Variants in NAV1 observed in about 807,000 individuals in gnomAD.
NAV1 encodes pore membrane and/or filament interacting like protein 3.
A neutral mutation model predicts 175.2 loss-of-function variants in NAV1; 18 were observed. That is an observed-to-expected ratio of 0.10 (90% CI 0.07 to 0.15). NAV1 has a LOEUF of 0.15. Ranked by LOEUF, NAV1 falls within the 10% of genes least tolerant of loss-of-function variation. The pLI is 1.00. For synonymous variants in NAV1, 897 were observed against 978.7 expected (o/e 0.92, Z 1.56); for missense variants, 1,731 against 2,436.6 (o/e 0.71, Z 6.10).
At chr1:201,666,128 C>T (rs1414343001) in intron 1 of NAV1, among the ~76,000 whole-genome samples, 1 of 152,060 alleles carries the variant, frequency 6.6e-6, no homozygotes, top group African/African-American at 2.4e-5. Context: ...TTCTCATAAA[C>T]AGCCCACCGC....
intron 1 of NAV1, among the ~76,000 whole-genome samples, chr1:201,573,221 CAA>C (rs1666598538): frequency 2.0e-5 from 3 of 152,364 alleles, no homozygotes; most frequent in Admixed American, 1.3e-4. Context: ...AGCAGGACAT[CAA>C]GTCGAGGCAG....
chr1:201,743,299 A>C (rs574186987), intron 3 of NAV1, among the ~76,000 whole-genome samples: 1 of 152,368 alleles, frequency 6.6e-6, no homozygotes, highest in South Asian at 2.1e-4. Context: ...AGGACTCAGC[A>C]AAGGTTTAGA....
chr1:201,727,889 C>T lies in NAV1; in HGVS notation c.1226+9134C>T, dbSNP rs147254756. ...CAGCTCCTAGAGGGCATTGGGTCTG[C>T]GTTTCAAGCCTGCTGCACATAGGCT... On this transcript the variant is annotated intron_variant, in intron 3 of 29. Transcript: ENST00000367296. 1.9e-4 allele frequency among the ~76,000 whole-genome samples: 29 copies of T among 152,244 alleles called. No homozygotes were observed. In the East Asian group the frequency reaches 3.9e-3, roughly 20 times the overall value.
chr1:201,697,575 T>G (rs1377489922), intron 1 of NAV1, among the ~76,000 whole-genome samples: 1 of 152,186 alleles, frequency 6.6e-6, no homozygotes, highest in Non-Finnish European at 1.5e-5. Flanking sequence ...GCTATTCCAG[T>G]GCGCCTCAGT....
intron 1 of NAV1, among the ~76,000 whole-genome samples, chr1:201,709,170 C>T (rs568684629): frequency 9.5e-5 from 14 of 147,908 alleles, no homozygotes; most frequent in African/African-American, 3.5e-4. Context: ...AACCATTGAA[C>T]TTTTAGGTTA....
chr1:201,698,240 G>A (rs151221115), intron 1 of NAV1, among the ~76,000 whole-genome samples: 69 of 152,282 alleles, frequency 4.5e-4, no homozygotes, highest in African/African-American at 1.6e-3. Flanking sequence ...GACCTCCCCT[G>A]TGACTCCTCT....
chr1:201,814,554 A>G (rs2820290), intron 28 of NAV1, among the ~76,000 whole-genome samples: 68,376 of 151,908 alleles, frequency 0.45, 16,843 homozygotes, highest in Non-Finnish European at 0.55. Flanking sequence ...ATTATCTGTA[A>G]AAGTAACTTG....
chr1:201,595,787 C>T (rs971106507), intron 2 of NAV1, among the ~76,000 whole-genome samples: 2 of 152,250 alleles, frequency 1.3e-5, no homozygotes, highest in African/African-American at 4.8e-5. Flanking sequence ...TTTTCCTGTG[C>T]TGTCTCAGTC....
At position 201,754,554 on chromosome 1, in the gene NAV1, G is replaced by C. The variant is rs144531465; in HGVS notation, c.1227-25867G>C. On this transcript the variant is annotated intron_variant, in intron 3 of 29. Transcript: ENST00000367296. ...AAATGAAAGCCAAGTTCCAATGAGT[G>C]GGGGAGTAAATGTGAGGTAAGGTGG... Among the ~76,000 whole-genome samples the C allele has an allele frequency of 7.5e-3, 1,142 of 152,236 alleles. 18 individuals carry two copies. The highest frequency in any genetic ancestry group is 0.026 in the African/African-American group (1,066 of 41,518).
chr1:201,781,403 A>G, intron 5 of NAV1, 94 bp downstream of exon 9: 1 of 1,246,934 alleles, frequency 8.0e-7, no homozygotes, highest in East Asian at 2.5e-5. Flanking sequence ...ATGATAGCAA[A>G]CATTTGCATA....
intron 1 of NAV1, among the ~76,000 whole-genome samples, chr1:201,559,776 G>A (rs945019022): frequency 6.6e-6 from 1 of 152,200 alleles, no homozygotes; most frequent in South Asian, 2.1e-4. Flanking sequence ...TGGGAAGGAG[G>A]AAGAATCTGG....
chr1:201,772,938 C>T (rs1311412807), intron 3 of NAV1, among the ~76,000 whole-genome samples: 1 of 150,604 alleles, frequency 6.6e-6, no homozygotes, highest in African/African-American at 2.5e-5. Context: ...GAGGCTGAGG[C>T]AGGAGAATGG....
intron 1 of NAV1, among the ~76,000 whole-genome samples, chr1:201,541,722 C>T (rs983742826): frequency 1.3e-5 from 2 of 152,116 alleles, no homozygotes; most frequent in African/African-American, 2.4e-5. Flanking sequence ...TGCAGTAAGC[C>T]GAGATCATGC....
chr1:201,545,428 C>G (rs979761557), intron 1 of NAV1, among the ~76,000 whole-genome samples: 1 of 151,754 alleles, frequency 6.6e-6, no homozygotes, highest in Non-Finnish European at 1.5e-5. Flanking sequence ...ATCTCTCTCT[C>G]TGTCACCCAG....
At chr1:201,652,012 A>T (rs2102338311) in intron 1 of NAV1, among the ~76,000 whole-genome samples, 1 of 152,120 alleles carries the variant, frequency 6.6e-6, no homozygotes, top group Non-Finnish European at 1.5e-5. Context: ...GTAGAGGGAG[A>T]GGAACTACAG....
chr1:201,714,813 G>T (rs562467187), intron 2 of NAV1, among the ~76,000 whole-genome samples: 7 of 152,336 alleles, frequency 4.6e-5, no homozygotes, highest in Middle Eastern at 3.4e-3. Flanking sequence ...ACTCACAGGA[G>T]TAGGAGAGAA....
At chr1:201,802,575 T>A (rs1175448558) in intron 15 of NAV1, among the ~76,000 whole-genome samples, 2 of 150,592 alleles carry the variant, frequency 1.3e-5, no homozygotes, top group Non-Finnish European at 3.0e-5. Context: ...GGTCAGAAGT[T>A]CAAGACCAGC....
chr1:201,681,944 C>T (rs1670482998), intron 1 of NAV1, among the ~76,000 whole-genome samples: 2 of 152,086 alleles, frequency 1.3e-5, no homozygotes, highest in Admixed American at 6.5e-5. Context: ...GTGAAACCCC[C>T]ATCTCTACTA....
At chr1:201,648,526 T>G in exon 1 of NAV1, 2 of 1,228,332 alleles carry the variant, frequency 1.6e-6, no homozygotes, top group Non-Finnish European at 2.0e-6. Context: ...TCTCTCCCCC[T>G]TCTCTCCCCT....
Sources: allele counts gnomAD v4.1 joint callset (sites outside exome capture counted in the v4.1 genomes callset), GRCh38; gene constraint gnomAD v4.1.1; transcripts MANE v1.5; gene names NCBI Gene and HGNC (gene_info 2026-07-23, HGNC 2026-07-21).